MARCHF1: variants seen among roughly 807,000 people sequenced by gnomAD.
The protein encoded by MARCHF1 is E3 ubiquitin-protein ligase MARCHF1.
Under a neutral mutation model 54.2 loss-of-function variants are expected in MARCHF1, and 40 were observed. The observed-to-expected ratio is 0.74, with a 90% confidence interval of 0.57 to 0.96. The LOEUF (loss-of-function observed/expected upper bound fraction) is 0.96, where lower values mean the gene tolerates loss of function less well. Ranked by LOEUF, MARCHF1 falls within the 40% of genes least tolerant of loss-of-function variation. The probability of loss-of-function intolerance (pLI) is 0.00; values close to 1 mark genes in which losing one functional copy is unlikely to be tolerated. For synonymous variants in MARCHF1, 236 were observed against 236.3 expected (o/e 1.00, Z 0.01); for missense variants, 586 against 656.5 (o/e 0.89, Z 1.17).
intron 1 of MARCHF1, among the ~76,000 whole-genome samples, chr4:164,263,171 A>T (rs1167143793): frequency 6.6e-6 from 1 of 152,018 alleles, no homozygotes; most frequent in Non-Finnish European, 1.5e-5. Flanking sequence ...TGAAAGACAG[A>T]AGAAAGAGGT....
chr4:164,079,793 A>G (rs2111110015), intron 2 of MARCHF1, among the ~76,000 whole-genome samples: 1 of 152,256 alleles, frequency 6.6e-6, no homozygotes, highest in South Asian at 2.1e-4. Context: ...TTCACAACAC[A>G]CATTCTAAAA....
chr4:163,727,893 T>C (rs1214014087), intron 4 of MARCHF1, among the ~76,000 whole-genome samples: 2 of 151,840 alleles, frequency 1.3e-5, no homozygotes, highest in African/African-American at 4.8e-5. Flanking sequence ...CACCATGTTA[T>C]CCAGGCTGGT....
intron 2 of MARCHF1, among the ~76,000 whole-genome samples, chr4:164,049,934 G>A (rs1754323943): frequency 6.6e-6 from 1 of 152,132 alleles, no homozygotes; most frequent in Non-Finnish European, 1.5e-5. Context: ...TTACTCTGTA[G>A]TTTCACTTGG....
intron 9 of MARCHF1, among the ~76,000 whole-genome samples, chr4:163,531,374 A>C (rs942537345): frequency 6.6e-6 from 1 of 151,932 alleles, no homozygotes; most frequent in East Asian, 1.9e-4. Flanking sequence ...AAAAATGTGA[A>C]TATATCAATA....
chr4:164,066,994 C>A (rs1016831923), intron 2 of MARCHF1, among the ~76,000 whole-genome samples: 2 of 151,636 alleles, frequency 1.3e-5, no homozygotes, highest in Admixed American at 6.6e-5. Context: ...ATGTAACAAA[C>A]CTGCACTTGT....
At chr4:164,044,993 A>G (rs1057270123) in intron 2 of MARCHF1, among the ~76,000 whole-genome samples, 4 of 152,146 alleles carry the variant, frequency 2.6e-5, no homozygotes, top group Admixed American at 2.6e-4. Flanking sequence ...TTAGAGTAAG[A>G]ACCTTCTAAG....
intron 8 of MARCHF1, among the ~76,000 whole-genome samples, chr4:163,580,299 C>T (rs112134026): frequency 1.3e-5 from 2 of 151,946 alleles, no homozygotes; most frequent in Non-Finnish European, 2.9e-5. Context: ...AGGCTGGTCT[C>T]GGTCTCCTGA....
chr4:164,139,878 C>T (rs1489094194), intron 1 of MARCHF1, among the ~76,000 whole-genome samples: 1 of 151,964 alleles, frequency 6.6e-6, no homozygotes, highest in Non-Finnish European at 1.5e-5. Context: ...AGATATTAAA[C>T]AAACAAAAAT....
At chr4:163,947,787 G>T (rs993785703) in intron 3 of MARCHF1, among the ~76,000 whole-genome samples, 2 of 152,128 alleles carry the variant, frequency 1.3e-5, no homozygotes, top group African/African-American at 4.8e-5. Flanking sequence ...TGCCTTTGAG[G>T]TAACGTAGCT....
intron 2 of MARCHF1, among the ~76,000 whole-genome samples, chr4:164,074,946 C>T (rs951857952): frequency 2.0e-5 from 3 of 151,300 alleles, no homozygotes; most frequent in African/African-American, 7.3e-5. Flanking sequence ...ATAAAAATGC[C>T]ACCCTGGACT....
chr4:164,151,953 CTGT>C (rs1321547960), intron 1 of MARCHF1, among the ~76,000 whole-genome samples: 1 of 152,030 alleles, frequency 6.6e-6, no homozygotes, highest in African/African-American at 2.4e-5. Flanking sequence ...GGTTGGGCAG[CTGT>C]TGTTAGCTTC....
At position 164,328,237 on chromosome 4, in the gene MARCHF1, G is replaced by GA. The variant is rs199589623; in HGVS notation, c.-323+55632dup. ...TAGTGCATCAAATTAGGTGCGTTCT[G>GA]AAAGATGCTAAAACATTAACATGGC... On this transcript the variant is annotated intron_variant, in intron 1 of 9. Transcript: ENST00000514618. Among the ~76,000 whole-genome samples, 258 of 152,250 alleles carry GA rather than the reference G, an allele frequency of 1.7e-3. 8 individuals are homozygous for GA. The East Asian group carries it at 0.044, about 26-fold the overall frequency.
At position 163,616,775 on chromosome 4, in the gene MARCHF1, T is replaced by C. The variant is rs184744124; in HGVS notation, c.163-3382A>G. Among the ~76,000 whole-genome samples, 307 of 152,020 alleles carry C rather than the reference T, an allele frequency of 2.0e-3. 1 individual carries two copies. Among genetic ancestry groups the C allele is most frequent in the African/African-American group, 6.7e-3 (279 of 41,478 alleles). On this transcript the variant is annotated intron_variant, in intron 5 of 9. Coordinates refer to ENST00000514618, the MANE Select transcript of MARCHF1 (RefSeq NM_001394959.1). Reference sequence around the variant, plus strand: ...TAAAATTCACCAGAATGTGTGAGGATGAAAAGAAATTGAAACTCATATATA... The same window carrying C: ...TAAAATTCACCAGAATGTGTGAGGACGAAAAGAAATTGAAACTCATATATA...
chr4:163,773,528 C>T (rs1747218157), intron 4 of MARCHF1, among the ~76,000 whole-genome samples: 1 of 152,084 alleles, frequency 6.6e-6, no homozygotes, highest in Admixed American at 6.6e-5. Context: ...GGTTACCTTG[C>T]TAATAGTGAA....
intron 4 of MARCHF1, among the ~76,000 whole-genome samples, chr4:163,841,178 A>AT (rs1749326428): frequency 6.6e-6 from 1 of 152,098 alleles, no homozygotes; most frequent in South Asian, 2.1e-4. Flanking sequence ...ACTGCTCTTT[A>AT]TGCTACTATC....
At chr4:164,054,925 T>C (rs575683461) in intron 2 of MARCHF1, among the ~76,000 whole-genome samples, 1 of 152,026 alleles carries the variant, frequency 6.6e-6, no homozygotes, top group East Asian at 1.9e-4. Context: ...ACTTAAAGTA[T>C]AATAATAATT....
chr4:164,026,778 G>GA (rs576660004), intron 2 of MARCHF1, among the ~76,000 whole-genome samples: 119 of 150,798 alleles, frequency 7.9e-4, no homozygotes, highest in Non-Finnish European at 1.4e-3. Flanking sequence ...ATTTAAACAG[G>GA]AAAAAAAAAG....
chr4:164,243,943 C>T (rs28810670), intron 1 of MARCHF1, among the ~76,000 whole-genome samples: 80,337 of 151,278 alleles, frequency 0.53, 22,985 homozygotes, highest in Non-Finnish European at 0.65. Context: ...TACAGGAGCA[C>T]CCAGATTCAT....
At chr4:163,761,581 AGAATGTCT>A (rs1333864723) in intron 4 of MARCHF1, among the ~76,000 whole-genome samples, 1 of 152,234 alleles carries the variant, frequency 6.6e-6, no homozygotes, top group African/African-American at 2.4e-5. Flanking sequence ...GGTAATTGCC[AGAATGTCT>A]GAATGATAGC....
Sources: gnomAD v4.1 joint callset for allele counts (sites outside exome capture counted in the v4.1 genomes callset) on GRCh38, gnomAD v4.1.1 for gene constraint, MANE v1.5 for transcripts, NCBI Gene and HGNC (gene_info 2026-07-23, HGNC 2026-07-21) for gene names.